The following ERI1 variants were observed in gnomAD, a reference collection of about 807,000 sequenced individuals.
The protein encoded by ERI1 is exoribonuclease 1.
A neutral mutation model predicts 39.7 loss-of-function variants in ERI1; 39 were observed. The observed-to-expected ratio is 0.98, with a 90% CI of 0.76 to 1.28. ERI1 has a LOEUF of 1.28. Ranked by LOEUF, ERI1 falls within the 50% of genes most tolerant of loss-of-function variation. The probability of loss-of-function intolerance (pLI) is 0.00; values close to 1 mark genes in which losing one functional copy is unlikely to be tolerated. For missense variants in ERI1, 581 were observed against 416.9 expected (o/e 1.39, Z -3.43); for synonymous variants, 204 against 149.6 (o/e 1.36, Z -2.65).
chr8:9,058,011 C>A (rs1387303453), intron 3 of ERI1, among the ~76,000 whole-genome samples: 1 of 152,146 alleles, frequency 6.6e-6, no homozygotes, highest in Non-Finnish European at 1.5e-5. Context: ...TTGGGCTTTC[C>A]TAAGGGTGAG....
intron 3 of ERI1, among the ~76,000 whole-genome samples, chr8:9,051,088 A>G (rs1798340772): frequency 6.6e-6 from 1 of 152,036 alleles, no homozygotes; most frequent in Non-Finnish European, 1.5e-5. Context: ...AGTAGGTACG[A>G]TAGATATTAG....
rs1815532462 is a variant in ERI1 at position 9,003,026 on chromosome 8, T to G, written c.-38T>G. The G allele has an allele frequency of 8.4e-7, 1 of 1,192,632 alleles. No homozygotes were observed. Among genetic ancestry groups the G allele is most frequent in the African/African-American group, 1.6e-5 (1 of 63,442 alleles). The allele number at this position is 1,192,632 out of a possible 1,614,324, so 73.9% of individuals were successfully genotyped here. A position where few individuals can be genotyped will look rare whatever the true frequency, so the allele number is the denominator to read the frequency against. Reference sequence around the variant, plus strand: ...TCTGCAGAGTGAGAGTTAGCAAGTGTCCGGCTCCAGCAACTCTCCTCTGGC... The same window carrying G: ...TCTGCAGAGTGAGAGTTAGCAAGTGGCCGGCTCCAGCAACTCTCCTCTGGC... On this transcript the variant is annotated 5_prime_UTR_variant, in exon 1 of 7. Coordinates refer to ENST00000250263, the MANE Select transcript of ERI1 (RefSeq NM_153332.4).
chr8:9,016,770 C>T (rs1817338324), intron 4 of ERI1, among the ~76,000 whole-genome samples: 2 of 152,206 alleles, frequency 1.3e-5, no homozygotes, highest in Non-Finnish European at 2.9e-5. Flanking sequence ...ACTGCAGCCT[C>T]TGCCTCCTGG....
chr8:9,089,403 C>A (rs1799636076), intron 3 of ERI1, among the ~76,000 whole-genome samples: 2 of 152,188 alleles, frequency 1.3e-5, no homozygotes, highest in South Asian at 4.1e-4. Context: ...CCACACGCAG[C>A]CTGGATCTCT....
rs1816797700 is a variant in ERI1, at chr8:9,012,752, CAT to C, written c.498+1001_498+1002del. On this transcript the variant is annotated intron_variant, in intron 3 of 6. Transcript: ENST00000250263. ...CTATATTGCTCCCACTACACAAAAACATGTTATATTTTTCACACTGTGTAAAA... is the reference window on the plus strand; with the variant it reads ...CTATATTGCTCCCACTACACAAAAACGTTATATTTTTCACACTGTGTAAAA... Among the ~76,000 whole-genome samples, 3 of 152,302 alleles carry C rather than the reference CAT, an allele frequency of 2.0e-5. No homozygotes were observed. In the East Asian group the frequency reaches 5.8e-4, roughly 29 times the overall value.
At chr8:9,027,786 T>C (rs540063111) in intron 6 of ERI1, among the ~76,000 whole-genome samples, 4 of 152,340 alleles carry the variant, frequency 2.6e-5, no homozygotes, top group African/African-American at 9.6e-5. Context: ...ATTTCTAGAC[T>C]CTCTTCGGTT....
At chr8:9,013,338 A>T (rs1816876811) in intron 3 of ERI1, among the ~76,000 whole-genome samples, 1 of 151,840 alleles carries the variant, frequency 6.6e-6, no homozygotes, top group African/African-American at 2.4e-5. Context: ...AAAAAAAAAA[A>T]AAAAAATTAA....
At chr8:9,098,291 G>T (rs1296073618) in intron 3 of ERI1, among the ~76,000 whole-genome samples, 4 of 152,124 alleles carry the variant, frequency 2.6e-5, no homozygotes, top group South Asian at 4.1e-4. Context: ...AGGCTGAGGC[G>T]GGTGGATCAC....
At chr8:9,042,637 A>G (rs2117350097) in intron 3 of ERI1, among the ~76,000 whole-genome samples, 1 of 152,286 alleles carries the variant, frequency 6.6e-6, no homozygotes, top group South Asian at 2.1e-4. Flanking sequence ...CCTTGTGTCC[A>G]GAATGAAAGT....
At chr8:9,060,913 C>A (rs77888508) in intron 3 of ERI1, among the ~76,000 whole-genome samples, 2 of 152,162 alleles carry the variant, frequency 1.3e-5, no homozygotes, top group African/African-American at 4.8e-5. Context: ...ATTAAAGAGG[C>A]ATTAATGATG....
At chr8:9,009,127 A>G in intron 2 of ERI1, 1 of 455,792 alleles carries the variant, frequency 2.2e-6, no homozygotes. Context: ...CGTGGGAGCT[A>G]GCGATCTAGA....
At chr8:9,018,434 A>G (rs764496876) in intron 5 of ERI1, 28 bp downstream of exon 5, 32 of 1,284,260 alleles carry the variant, frequency 2.5e-5, no homozygotes, top group Non-Finnish European at 3.4e-5. Context: ...TTATTTTTTT[A>G]TATCTACTTT....
At chr8:9,014,144 GTCT>G (rs1402479302) in intron 3 of ERI1, among the ~76,000 whole-genome samples, 4 of 152,056 alleles carry the variant, frequency 2.6e-5, no homozygotes, top group Non-Finnish European at 5.9e-5. Context: ...ATTGTTTCCT[GTCT>G]TACTACTCTT....
chr8:9,095,900 C>A (rs923573065), intron 3 of ERI1, among the ~76,000 whole-genome samples: 1 of 152,150 alleles, frequency 6.6e-6, no homozygotes, highest in Non-Finnish European at 1.5e-5. Flanking sequence ...GCCTTACTAG[C>A]CTCATTAAAG....
chr8:9,011,165 T>A (rs1466279407), intron 2 of ERI1, among the ~76,000 whole-genome samples: 1 of 152,212 alleles, frequency 6.6e-6, no homozygotes, highest in Non-Finnish European at 1.5e-5. Context: ...GCCAGTGGAA[T>A]AATTTTATAT....
In ERI1 at chr8:9,078,127, C is replaced by T. The variant is rs563038675; in HGVS notation, n.300-38221C>T. 5.9e-5 allele frequency among the ~76,000 whole-genome samples: 9 copies of T among 152,176 alleles called. No homozygotes were observed. The South Asian group carries it at 1.0e-3, about 18-fold the overall frequency. ...GCCTCAGCCTCCCGAGTAGCTGGGA[C>T]GACATGCGTGCGCCACCACGCCTGG... On this transcript the variant is annotated intron_variant and non_coding_transcript_variant, in intron 3 of 3. Coordinates refer to the ERI1 transcript ENST00000518663.
intron 3 of ERI1, chr8:9,096,727 T>TC (rs1428083863): frequency 9.3e-6 from 1 of 107,528 alleles, no homozygotes; most frequent in Non-Finnish European, 2.1e-5. Flanking sequence ...TTTTTTTTTT[T>TC]TTTTTTTCTT....
intron 3 of ERI1, among the ~76,000 whole-genome samples, chr8:9,053,766 C>T (rs1798427872): frequency 1.3e-5 from 2 of 152,076 alleles, no homozygotes; most frequent in South Asian, 2.1e-4. Flanking sequence ...TGTAGGACAC[C>T]CAGTGAATGT....
chr8:9,004,683 A>G lies in ERI1; in HGVS notation c.108+1512A>G, dbSNP rs374431832. ...TGTCTCAAAAAATAATAGTAATGAT[A>G]CTTTTTTTTTTTTTTTTTTGGAGAC... is the stretch of plus-strand genomic sequence containing the variant. On this transcript the variant is annotated intron_variant, in intron 1 of 6. Coordinates refer to ENST00000250263, the MANE Select transcript of ERI1 (RefSeq NM_153332.4). 1.5e-4 allele frequency among the ~76,000 whole-genome samples: 20 copies of G among 135,330 alleles called. No homozygotes were observed. In the East Asian group the frequency reaches 2.1e-3, roughly 14 times the overall value. The allele number at this position is 135,330 out of a possible 152,430, so 88.8% of individuals were successfully genotyped here.
Sources: gnomAD v4.1 joint callset for allele counts (sites outside exome capture counted in the v4.1 genomes callset) on GRCh38, gnomAD v4.1.1 for gene constraint, MANE v1.5 for transcripts, NCBI Gene and HGNC (gene_info 2026-07-23, HGNC 2026-07-21) for gene names.